Variants in TENM2 observed in about 807,000 individuals in gnomAD.
TENM2 encodes teneurin transmembrane protein 2.
A neutral mutation model predicts 245.2 loss-of-function variants in TENM2; 52 were observed. That is an observed-to-expected ratio of 0.21 (90% confidence interval 0.17 to 0.27). The LOEUF is 0.27. TENM2 is among the 10% of genes least tolerant of loss of function. The pLI is 1.00. For missense variants in TENM2, 3,046 were observed against 3,666.8 expected, an observed-to-expected ratio of 0.83 and a Z score of 4.37; for synonymous variants, 1,363 against 1,438.9, an observed-to-expected ratio of 0.95 and a Z score of 1.19.
intron 2 of TENM2, among the ~76,000 whole-genome samples, chr5:167,857,654 A>G (rs1333066491): frequency 2.0e-5 from 3 of 152,214 alleles, no homozygotes; most frequent in Non-Finnish European, 4.4e-5. Context: ...CCAATATTTC[A>G]AAGACCATAG....
chr5:167,167,066 A>G, the TENM2 span, among the ~76,000 whole-genome samples: 2 of 152,162 alleles, frequency 1.3e-5, no homozygotes, highest in African/African-American at 4.8e-5. Flanking sequence ...TCTTACAAAA[A>G]TGCTTGGCCG....
At chr5:167,153,481 G>T in the TENM2 span, among the ~76,000 whole-genome samples, 1 of 151,992 alleles carries the variant, frequency 6.6e-6, no homozygotes, top group Non-Finnish European at 1.5e-5. Context: ...TGAGGGGTTC[G>T]TCTTGCTGTC....
At chr5:167,856,609 T>C (rs1771122625) in intron 2 of TENM2, among the ~76,000 whole-genome samples, 1 of 152,234 alleles carries the variant, frequency 6.6e-6, no homozygotes, top group Admixed American at 6.5e-5. Flanking sequence ...AAAGCAAATG[T>C]GTCTCTGACT....
chr5:167,728,157 C>G (rs79881562), intron 2 of TENM2, among the ~76,000 whole-genome samples: 6,782 of 152,166 alleles, frequency 0.045, 487 homozygotes, highest in African/African-American at 0.16. Context: ...TTTCCTCCAC[C>G]CCACTTCATC....
intron 25 of TENM2, among the ~76,000 whole-genome samples, chr5:168,235,883 G>A (rs1765386346): frequency 6.6e-6 from 1 of 152,182 alleles, no homozygotes; most frequent in African/African-American, 2.4e-5. Context: ...ATATGATATA[G>A]GTTAAGCCCT....
intron 2 of TENM2, among the ~76,000 whole-genome samples, chr5:167,527,108 C>T (rs757118026): frequency 1.4e-4 from 21 of 152,154 alleles, no homozygotes; most frequent in Non-Finnish European, 2.5e-4. Context: ...TCACCTATAT[C>T]GCCATGGAGG....
chr5:167,911,214 G>A (rs529050602), intron 3 of TENM2, among the ~76,000 whole-genome samples: 3 of 152,252 alleles, frequency 2.0e-5, no homozygotes, highest in African/African-American at 7.2e-5. Flanking sequence ...AATCCATGTT[G>A]TAGAGTGGTT....
chr5:167,957,952 TG>T (rs1780691700), intron 4 of TENM2, among the ~76,000 whole-genome samples: 1 of 152,232 alleles, frequency 6.6e-6, no homozygotes, highest in Non-Finnish European at 1.5e-5. Context: ...TATATTCTGT[TG>T]ATTTGGGGTG....
chr5:167,762,574 G>A (rs1034878373), intron 2 of TENM2, among the ~76,000 whole-genome samples: 1 of 152,182 alleles, frequency 6.6e-6, no homozygotes, highest in East Asian at 1.9e-4. Flanking sequence ...GGCATGAAAA[G>A]CCAATTTTAG....
chr5:167,708,041 A>T (rs1758653294), intron 2 of TENM2, among the ~76,000 whole-genome samples: 1 of 152,190 alleles, frequency 6.6e-6, no homozygotes, highest in Non-Finnish European at 1.5e-5. Flanking sequence ...GCTATGTTTA[A>T]ATTCATTGAT....
At chr5:167,385,736 T>C (rs986837689) in intron 2 of TENM2, among the ~76,000 whole-genome samples, 2 of 152,084 alleles carry the variant, frequency 1.3e-5, no homozygotes, top group Admixed American at 6.6e-5. Flanking sequence ...TAGCTCCCAC[T>C]TATAAGTGAG....
intron 3 of TENM2, among the ~76,000 whole-genome samples, chr5:167,936,682 C>T (rs1778746876): frequency 6.6e-6 from 1 of 152,218 alleles, no homozygotes; most frequent in Non-Finnish European, 1.5e-5. Flanking sequence ...ATTGGCTTCA[C>T]TGTGTACAGT....
At chr5:167,481,147 T>C (rs1286211408) in intron 2 of TENM2, among the ~76,000 whole-genome samples, 1 of 152,176 alleles carries the variant, frequency 6.6e-6, no homozygotes, top group Non-Finnish European at 1.5e-5. Flanking sequence ...TTTCAGTTTT[T>C]AAAAAGGATA....
At chr5:167,348,457 C>T (rs1035580784) in intron 1 of TENM2, among the ~76,000 whole-genome samples, 3 of 152,124 alleles carry the variant, frequency 2.0e-5, no homozygotes, top group South Asian at 2.1e-4. Flanking sequence ...CTTATCCTGG[C>T]GACAGCTTGC....
intron 21 of TENM2, among the ~76,000 whole-genome samples, chr5:168,215,629 A>G (rs576156141): frequency 6.6e-6 from 1 of 152,238 alleles, no homozygotes; most frequent in African/African-American, 2.4e-5. Flanking sequence ...AGATCGCGCC[A>G]CTGCACTCCA....
At chr5:167,567,936 G>T (rs1774017172) in intron 2 of TENM2, among the ~76,000 whole-genome samples, 1 of 149,794 alleles carries the variant, frequency 6.7e-6, no homozygotes, top group Non-Finnish European at 1.5e-5. Context: ...GTGCATTCTA[G>T]GTACAAGGTA....
chr5:167,537,734 C>T (rs544350740), intron 2 of TENM2, among the ~76,000 whole-genome samples: 9 of 152,252 alleles, frequency 5.9e-5, no homozygotes, highest in East Asian at 3.9e-4. Context: ...AAGCCATAGA[C>T]GCTCCTTGGG....
chr5:167,123,235 G>A, the TENM2 span, among the ~76,000 whole-genome samples: 2,616 of 152,174 alleles, frequency 0.017, 67 homozygotes, highest in African/African-American at 0.06. Flanking sequence ...GCTTGAACCC[G>A]AGGCAGAGGC....
rs184273168 is a variant in TENM2 at position 167,526,941 on chromosome 5, T to C, written c.502+151468T>C. Among the ~76,000 whole-genome samples the C allele has an allele frequency of 2.0e-5, 3 of 152,220 alleles. No individual in the cohort carries two copies. The East Asian group carries it at 5.8e-4, about 29-fold the overall frequency. On this transcript the variant is annotated intron_variant, in intron 2 of 28. Transcript: ENST00000518659. ...TCTGAGGGCGTATGCTGTACCCTTA[T>C]CTGACCCACAATACATCAAAACAGC...
Sources: allele counts gnomAD v4.1 joint callset (sites outside exome capture counted in the v4.1 genomes callset), GRCh38; gene constraint gnomAD v4.1.1; transcripts MANE v1.5; gene names NCBI Gene and HGNC (gene_info 2026-07-23, HGNC 2026-07-21).